Variants in SHANK2 observed in about 807,000 individuals in gnomAD.
The protein encoded by SHANK2 is SH3 and multiple ankyrin repeat domains protein 2.
SHANK2 carries 43 observed loss-of-function variants against 133.7 expected under a neutral mutation model. That is an observed-to-expected ratio of 0.32 (90% CI 0.25 to 0.41). SHANK2 has a LOEUF of 0.41. Ranked by LOEUF, SHANK2 falls within the 10% of genes least tolerant of loss-of-function variation. The pLI is 1.00. For synonymous variants in SHANK2, 1,017 were observed against 952.8 expected (o/e 1.07, Z -1.24); for missense variants, 1,994 against 2,235.8 (o/e 0.89, Z 2.18).
chr11:70,733,729 G>A (rs576907905), intron 14 of SHANK2, among the ~76,000 whole-genome samples: 51 of 152,210 alleles, frequency 3.4e-4, no homozygotes, highest in Non-Finnish European at 6.2e-4. Flanking sequence ...GTTAGGGTGG[G>A]CCGTGCCCCA....
intron 1 of SHANK2, among the ~76,000 whole-genome samples, chr11:71,236,611 T>C (rs1555123756): frequency 6.6e-6 from 1 of 152,214 alleles, no homozygotes; most frequent in African/African-American, 2.4e-5. Flanking sequence ...TACAGAACCA[T>C]GACCTAAATA....
chr11:70,795,828 C>T (rs1205783533), intron 14 of SHANK2, among the ~76,000 whole-genome samples: 1 of 152,138 alleles, frequency 6.6e-6, no homozygotes, highest in Non-Finnish European at 1.5e-5. Flanking sequence ...GGGCCATGAG[C>T]CAAGGATGTC....
intron 17 of SHANK2, among the ~76,000 whole-genome samples, chr11:70,583,233 G>T (rs1554985907): frequency 1.3e-5 from 2 of 152,198 alleles, no homozygotes; most frequent in Non-Finnish European, 2.9e-5. Flanking sequence ...ACTCCAGAAG[G>T]CCTAGCAGCA....
chr11:70,736,484 G>A (rs1020831369), intron 14 of SHANK2, among the ~76,000 whole-genome samples: 1 of 152,138 alleles, frequency 6.6e-6, no homozygotes, highest in African/African-American at 2.4e-5. Flanking sequence ...CAGAAGAGAA[G>A]ACACAGACAC....
chr11:70,684,861 G>A (rs1945112310), intron 15 of SHANK2, among the ~76,000 whole-genome samples: 1 of 152,082 alleles, frequency 6.6e-6, no homozygotes, highest in Admixed American at 6.6e-5. Context: ...CTGCCTCAGT[G>A]TACCCTTTAG....
At chr11:70,781,558 T>TTATTTATATATATA (rs71049941) in intron 14 of SHANK2, among the ~76,000 whole-genome samples, 1,057 of 29,008 alleles carry the variant, frequency 0.036, 75 homozygotes, top group South Asian at 0.18. Flanking sequence ...TACTTACTTA[T>TTATTTATATATATA]TATATATATA....
intron 2 of SHANK2, among the ~76,000 whole-genome samples, chr11:71,191,730 T>A (rs1208717169): frequency 1.7e-4 from 26 of 152,224 alleles, no homozygotes; most frequent in Non-Finnish European, 3.4e-4. Flanking sequence ...GGCTACTTTT[T>A]GTATTTGTAA....
intron 11 of SHANK2, among the ~76,000 whole-genome samples, chr11:70,857,923 T>C (rs1949196840): frequency 6.6e-6 from 1 of 152,158 alleles, no homozygotes; most frequent in Non-Finnish European, 1.5e-5. Context: ...TCTGACCTAG[T>C]GTGTGGGTGC....
chr11:70,575,969 G>A (rs1411621605), intron 17 of SHANK2, among the ~76,000 whole-genome samples: 1 of 152,006 alleles, frequency 6.6e-6, no homozygotes, highest in Non-Finnish European at 1.5e-5. Context: ...TTATTTGTTG[G>A]TGGAGACACC....
intron 17 of SHANK2, among the ~76,000 whole-genome samples, chr11:70,650,566 C>T (rs782714186): frequency 6.6e-6 from 1 of 152,196 alleles, no homozygotes; most frequent in South Asian, 2.1e-4. Context: ...TGTACAGCCA[C>T]ACACATTTGT....
intron 1 of SHANK2, among the ~76,000 whole-genome samples, chr11:71,244,270 G>C (rs1954931515): frequency 6.6e-6 from 1 of 152,244 alleles, no homozygotes; most frequent in Non-Finnish European, 1.5e-5. Context: ...CAGAGGGCCT[G>C]CCCCTGGGGT....
chr11:71,234,837 G>A (rs1954804983), intron 1 of SHANK2, among the ~76,000 whole-genome samples: 1 of 152,074 alleles, frequency 6.6e-6, no homozygotes, highest in East Asian at 1.9e-4. Context: ...ATGAACGGAG[G>A]GAGGAAATGT....
chr11:70,689,650 T>C (rs144492844), intron 15 of SHANK2, among the ~76,000 whole-genome samples: 1 of 152,290 alleles, frequency 6.6e-6, no homozygotes, highest in East Asian at 1.9e-4. Flanking sequence ...GAACATTGAA[T>C]AATGAGAAAA....
At chr11:71,252,889 C>T (rs1216926547), upstream of SHANK2, among the ~76,000 whole-genome samples, 3 of 152,224 alleles carry the variant, frequency 2.0e-5, no homozygotes, top group Non-Finnish European at 4.4e-5. This position sits in a 1 kb window ranked among gnomAD's most constrained non-coding sequence, Gnocchi z 6.3. Flanking sequence ...ACGAGAAAGT[C>T]CCTGATTTTT....
At chr11:70,549,193 T>C (rs782157875) in intron 17 of SHANK2, among the ~76,000 whole-genome samples, 1 of 152,190 alleles carries the variant, frequency 6.6e-6, no homozygotes, top group Non-Finnish European at 1.5e-5. Flanking sequence ...CCTGAGACCA[T>C]GGTCCGACTT....
At position 71,180,373 on chromosome 11, in the gene SHANK2, G is replaced by A. The variant is rs149668964; in HGVS notation, c.-12-33035C>T. Among the ~76,000 whole-genome samples, 89 of 152,242 alleles carry A rather than the reference G, an allele frequency of 5.8e-4. 1 individual carries two copies. The highest frequency in any genetic ancestry group is 2.0e-3 in the African/African-American group (84 of 41,554). On this transcript the variant is annotated intron_variant, in intron 2 of 25. Coordinates refer to ENST00000601538, the MANE Select transcript of SHANK2 (RefSeq NM_012309.5). ...GAGAACAGAGGAAGTGGTTTCCAAA[G>A]AAAAATGTGGAGGAGGTGACAAGCT...
chr11:70,591,343 C>T (rs1783566729), intron 17 of SHANK2, among the ~76,000 whole-genome samples: 1 of 149,530 alleles, frequency 6.7e-6, no homozygotes, highest in Admixed American at 6.7e-5. Context: ...CAGAGACAGA[C>T]TCTGTCTCAA....
intron 17 of SHANK2, among the ~76,000 whole-genome samples, chr11:70,643,528 T>C (rs369022140): frequency 2.4e-3 from 340 of 140,542 alleles, no homozygotes; most frequent in African/African-American, 8.8e-3. Context: ...CACGCGCCAC[T>C]GCACTCCAGC....
At chr11:70,478,952 G>T (rs1049817705) in intron 25 of SHANK2, among the ~76,000 whole-genome samples, 2 of 152,186 alleles carry the variant, frequency 1.3e-5, no homozygotes, top group South Asian at 2.1e-4. Flanking sequence ...TCAAGAAGGT[G>T]CCCACCTCTT....
Sources: allele counts gnomAD v4.1 joint callset (sites outside exome capture counted in the v4.1 genomes callset), GRCh38; gene constraint gnomAD v4.1.1; non-coding constraint Gnocchi (gnomAD v3.1); transcripts MANE v1.5; gene names NCBI Gene and HGNC (gene_info 2026-07-23, HGNC 2026-07-21).